Variants in PLCL1 observed in about 807,000 individuals in gnomAD.
PLCL1 encodes inactive phospholipase C-like protein 1.
Under a neutral mutation model 84.4 loss-of-function variants are expected in PLCL1, and 41 were observed. The ratio of observed to expected loss-of-function variants is 0.49; its 90% confidence interval spans 0.38 to 0.63. The LOEUF (loss-of-function observed/expected upper bound fraction) is 0.63, where lower values mean the gene tolerates loss of function less well. PLCL1 is among the 30% of genes least tolerant of loss of function. The probability of loss-of-function intolerance (pLI) is 0.00; values close to 1 mark genes in which losing one functional copy is unlikely to be tolerated. For missense variants in PLCL1, 1,206 were observed against 1,367.8 expected, an observed-to-expected ratio of 0.88 and a Z score of 1.87; for synonymous variants, 490 against 488.3, an observed-to-expected ratio of 1.00 and a Z score of -0.05.
intron 1 of PLCL1, among the ~76,000 whole-genome samples, chr2:197,938,569 C>T (rs1428080486): frequency 1.3e-5 from 2 of 152,130 alleles, no homozygotes; most frequent in African/African-American, 2.4e-5. Flanking sequence ...CCTCAAAACA[C>T]GGTTTTTATC....
chr2:198,133,529 A>T (rs571011823), intron 5 of PLCL1, among the ~76,000 whole-genome samples: 22 of 151,802 alleles, frequency 1.4e-4, no homozygotes, highest in Admixed American at 5.2e-4. Context: ...AGTATAATAA[A>T]AAAAAAAAAC....
At chr2:198,057,318 A>T (rs1055189636) in intron 1 of PLCL1, among the ~76,000 whole-genome samples, 3 of 151,978 alleles carry the variant, frequency 2.0e-5, no homozygotes, top group African/African-American at 7.3e-5. Context: ...GGACAGGAGG[A>T]GCTGGTGAGG....
chr2:197,806,411 C>T (rs1690481202), intron 1 of PLCL1, among the ~76,000 whole-genome samples: 1 of 152,174 alleles, frequency 6.6e-6, no homozygotes, highest in South Asian at 2.1e-4. Context: ...GCTGCGTAAC[C>T]AGTGCATCAC....
chr2:197,805,412 C>A lies in PLCL1; in HGVS notation c.240+73C>A. ...GGGTCAGGGACCCGGGCAGGATGTG[C>A]GGTGTCCGGAGGCATCCGGGCTCAG... On this transcript the variant is annotated intron_variant, in intron 1 of 5. Coordinates refer to ENST00000428675, the MANE Select transcript of PLCL1 (RefSeq NM_006226.4). This position sits in a 1 kb window ranked among gnomAD's most constrained non-coding sequence, Gnocchi z 4.0. 2.4e-6 allele frequency: 3 copies of A among 1,267,178 alleles called. No individual in the cohort carries two copies. The highest frequency in any genetic ancestry group is 3.0e-6 in the Non-Finnish European group (3 of 1,003,222). 78.5% of individuals were successfully genotyped at this position (1,267,178 alleles called of 1,614,324 possible).
At chr2:197,976,124 C>T (rs1447156256) in intron 1 of PLCL1, among the ~76,000 whole-genome samples, 1 of 152,204 alleles carries the variant, frequency 6.6e-6, no homozygotes. Context: ...TCATTTCTTT[C>T]AATTTTCTGG....
chr2:198,053,523 G>A (rs1033302660), intron 1 of PLCL1, among the ~76,000 whole-genome samples: 3 of 152,190 alleles, frequency 2.0e-5, no homozygotes, highest in Non-Finnish European at 2.9e-5. Context: ...GTTAGCCTCC[G>A]GGTTGCCTCT....
At chr2:198,025,144 A>G (rs1416424279) in intron 1 of PLCL1, among the ~76,000 whole-genome samples, 2 of 152,162 alleles carry the variant, frequency 1.3e-5, no homozygotes, top group African/African-American at 4.8e-5. Flanking sequence ...AATCAAAACT[A>G]TGAAACAAGG....
intron 1 of PLCL1, among the ~76,000 whole-genome samples, chr2:197,967,385 T>C (rs6434948): frequency 0.72 from 109,244 of 151,846 alleles, 40,215 homozygotes; most frequent in African/African-American, 0.87. Context: ...TTAGTAGAGA[T>C]GGGGTTTCAC....
At chr2:197,985,036 A>G (rs572270070) in intron 1 of PLCL1, among the ~76,000 whole-genome samples, 1 of 152,176 alleles carries the variant, frequency 6.6e-6, no homozygotes, top group East Asian at 1.9e-4. Flanking sequence ...TGCAAGTTTA[A>G]TGAGTATCCA....
intron 1 of PLCL1, among the ~76,000 whole-genome samples, chr2:198,063,084 G>T (rs866420829): frequency 1.8e-4 from 28 of 152,062 alleles, no homozygotes; most frequent in African/African-American, 6.5e-4. Context: ...GACACATCTG[G>T]GTTCCAGTCT....
intron 4 of PLCL1, among the ~76,000 whole-genome samples, chr2:198,101,602 A>G (rs1693339842): frequency 1.3e-5 from 2 of 151,990 alleles, no homozygotes; most frequent in African/African-American, 4.8e-5. Context: ...GAAGAAGTCT[A>G]GAGGGATGAG....
At chr2:198,107,554 A>G (rs1342529289) in intron 5 of PLCL1, among the ~76,000 whole-genome samples, 1 of 151,958 alleles carries the variant, frequency 6.6e-6, no homozygotes, top group Non-Finnish European at 1.5e-5. Flanking sequence ...ACTAGACAGC[A>G]TATATGTTAG....
chr2:198,125,796 C>T (rs1235753571), intron 5 of PLCL1, among the ~76,000 whole-genome samples: 1 of 152,028 alleles, frequency 6.6e-6, no homozygotes, highest in Non-Finnish European at 1.5e-5. Flanking sequence ...ACTAAAACAT[C>T]CTCTGGCAGG....
At chr2:197,899,702 C>G (rs1271459218) in intron 1 of PLCL1, among the ~76,000 whole-genome samples, 1 of 142,570 alleles carries the variant, frequency 7.0e-6, no homozygotes, top group Non-Finnish European at 1.5e-5. Context: ...GTGGCGCGAT[C>G]TCGGCTCACT....
At chr2:197,829,278 A>G (rs1691002197) in intron 1 of PLCL1, among the ~76,000 whole-genome samples, 1 of 152,220 alleles carries the variant, frequency 6.6e-6, no homozygotes, top group South Asian at 2.1e-4. Context: ...TTCCTCCAGA[A>G]TCAAATAAAG....
At chr2:198,094,352 T>C (rs139198648) in intron 3 of PLCL1, among the ~76,000 whole-genome samples, 360 of 152,310 alleles carry the variant, frequency 2.4e-3, no homozygotes, top group Non-Finnish European at 3.6e-3. Context: ...TGAGCCACCG[T>C]GCCCAGCCTT....
Position 198,022,272 on chromosome 2 carries a change from A to T in PLCL1, c.241-61486A>T, listed in dbSNP as rs1281773503. Reference sequence around the variant, plus strand: ...AGCTATTTATGACAAACCCACTGATATCATACTGAATGGGCAATATCATAC... The same window carrying T: ...AGCTATTTATGACAAACCCACTGATTTCATACTGAATGGGCAATATCATAC... On this transcript the variant is annotated intron_variant, in intron 1 of 5. Transcript: ENST00000428675. Among the ~76,000 whole-genome samples, 3 of 152,174 alleles carry T rather than the reference A, an allele frequency of 2.0e-5. No homozygotes were observed. In the East Asian group the frequency reaches 5.8e-4, roughly 29 times the overall value.
rs77762100 is a variant in PLCL1 at position 198,139,172 on chromosome 2, G to T, written c.3106-7608G>T. ...CTCCGTCTCAAAATAAAAAAAAAAA[G>T]ATTTGGCAGTTTTGATGTGGTGTAT... is the stretch of plus-strand genomic sequence containing the variant. On this transcript the variant is annotated intron_variant, in intron 5 of 5. Transcript: ENST00000428675. 2.6e-3 allele frequency among the ~76,000 whole-genome samples: 390 copies of T among 151,968 alleles called. 1 individual carries two copies. Among genetic ancestry groups the T allele is most frequent in the African/African-American group, 9.1e-3 (376 of 41,476 alleles).
intron 1 of PLCL1, among the ~76,000 whole-genome samples, chr2:197,936,860 C>T (rs1375770242): frequency 3.3e-5 from 5 of 152,094 alleles, no homozygotes; most frequent in African/African-American, 4.8e-5. Flanking sequence ...ATTGCCTAGA[C>T]CAATGTCACG....
Sources: allele counts gnomAD v4.1 joint callset (sites outside exome capture counted in the v4.1 genomes callset), GRCh38; gene constraint gnomAD v4.1.1; non-coding constraint Gnocchi (gnomAD v3.1); transcripts MANE v1.5; gene names NCBI Gene and HGNC (gene_info 2026-07-23, HGNC 2026-07-21).